Variants in CYP20A1 observed in about 807,000 individuals in gnomAD.
CYP20A1 encodes the protein cytochrome P450 20A1.
A neutral mutation model predicts 61.4 loss-of-function variants in CYP20A1; 61 were observed. The ratio of observed to expected loss-of-function variants is 0.99; its 90% CI spans 0.81 to 1.23. CYP20A1 has a LOEUF of 1.23. CYP20A1 is among the 50% of genes most tolerant of loss of function. CYP20A1 has a pLI of 0.00. For missense variants in CYP20A1, 530 were observed against 542.4 expected (o/e 0.98, Z 0.23); for synonymous variants, 193 against 188.2 (o/e 1.03, Z -0.21).
At chr2:203,275,036 C>A (rs2067758896) in intron 6 of CYP20A1, among the ~76,000 whole-genome samples, 1 of 152,312 alleles carries the variant, frequency 6.6e-6, no homozygotes, top group East Asian at 1.9e-4. Context: ...TGGATCAGAG[C>A]TTCCTTTGTT....
At chr2:203,259,417 A>G (rs534998036) in intron 4 of CYP20A1, among the ~76,000 whole-genome samples, 54 of 152,168 alleles carry the variant, frequency 3.5e-4, no homozygotes, top group African/African-American at 1.3e-3. Context: ...TCCTCACGGT[A>G]GTGAATTCTT....
chr2:203,284,348 C>G (rs978037045), intron 8 of CYP20A1, among the ~76,000 whole-genome samples: 17 of 152,108 alleles, frequency 1.1e-4, no homozygotes, highest in Non-Finnish European at 4.4e-5. Flanking sequence ...CAAACATATT[C>G]TAGGGAAAGA....
At chr2:203,271,046 G>A (rs1296930807) in intron 5 of CYP20A1, among the ~76,000 whole-genome samples, 12 of 24,050 alleles carry the variant, frequency 5.0e-4, no homozygotes, top group South Asian at 4.4e-3. Flanking sequence ...ATATATATAT[G>A]TATATGTGTA....
At chr2:203,294,354 A>T (rs2068680657) in intron 11 of CYP20A1, among the ~76,000 whole-genome samples, 1 of 151,354 alleles carries the variant, frequency 6.6e-6, no homozygotes, top group Non-Finnish European at 1.5e-5. Flanking sequence ...CCTGACCAAC[A>T]TGGAGAAACC....
chr2:203,287,170 G>A lies in CYP20A1; in HGVS notation c.971+1438G>A, dbSNP rs181582007. On this transcript the variant is annotated intron_variant, in intron 9 of 12. Transcript: ENST00000356079. ...GGAAGTCCAGGCTGGAGTGAGCTAC[G>A]ATCACACCACTACACTCCATCCTGG... Among the ~76,000 whole-genome samples, 69 of 117,308 alleles carry A rather than the reference G, an allele frequency of 5.9e-4. No homozygotes were observed. The South Asian group carries it at 6.1e-3, about 10-fold the overall frequency. The allele number at this position is 117,308 out of a possible 152,430, so 77.0% of individuals were successfully genotyped here.
chr2:203,272,579 A>T, intron 5 of CYP20A1, 91 bp from the exon 6 acceptor site: 2 of 503,844 alleles, frequency 4.0e-6, no homozygotes, highest in East Asian at 4.6e-5. Flanking sequence ...AAAGAGTTAA[A>T]GAGTTCCTAA....
chr2:203,261,605 T>TAAAA (rs36092540), intron 4 of CYP20A1, among the ~76,000 whole-genome samples: 1 of 74,356 alleles, frequency 1.3e-5, no homozygotes, highest in Non-Finnish European at 2.4e-5. Context: ...CTTTGTCACC[T>TAAAA]AAAAAAAAAA....
chr2:203,292,733 A>G (rs1288736725), intron 11 of CYP20A1, among the ~76,000 whole-genome samples: 1 of 149,200 alleles, frequency 6.7e-6, no homozygotes, highest in Non-Finnish European at 1.5e-5. Flanking sequence ...TGGTGGGATT[A>G]CAGGCATGAA....
At chr2:203,272,321 T>A (rs1009645341) in intron 5 of CYP20A1, among the ~76,000 whole-genome samples, 1 of 151,914 alleles carries the variant, frequency 6.6e-6, no homozygotes, top group African/African-American at 2.4e-5. Flanking sequence ...GATGAGAAGA[T>A]CACTTGAGCT....
Position 203,301,416 on chromosome 2 carries a change from G to C in CYP20A1, c.*4508G>C, listed in dbSNP as rs1396509698. Among the ~76,000 whole-genome samples, 2 of 151,884 alleles carry C rather than the reference G, an allele frequency of 1.3e-5. No homozygotes were observed. Among genetic ancestry groups the C allele is most frequent in the Non-Finnish European group, 1.5e-5 (1 of 67,984 alleles). ...CTACATATGCATGCCACCATGCCCA[G>C]CTGTTTTTTTGTTTGCTTGTTTTTG... On this transcript the variant is annotated 3_prime_UTR_variant, in exon 13 of 13. Coordinates refer to ENST00000356079, the MANE Select transcript of CYP20A1 (RefSeq NM_177538.3).
Position 203,299,084 on chromosome 2 carries a change from C to G in CYP20A1, c.*2176C>G, listed in dbSNP as rs2068924568. Among the ~76,000 whole-genome samples the G allele has an allele frequency of 6.6e-6, 1 of 152,034 alleles. No individual in the cohort carries two copies. On this transcript the variant is annotated 3_prime_UTR_variant, in exon 13 of 13. Coordinates refer to ENST00000356079, the MANE Select transcript of CYP20A1 (RefSeq NM_177538.3). ...TGTCTTTCAAAATTACACTTTAGCA[C>G]TTATAAATTTTATATATAATACTTT...
intron 1 of CYP20A1, 79 bp downstream of exon 1, chr2:203,239,213 G>A: frequency 8.1e-7 from 1 of 1,237,922 alleles, no homozygotes; most frequent in Non-Finnish European, 1.2e-6. Flanking sequence ...CAACCTGCCC[G>A]CTGCGGGCCG....
intron 5 of CYP20A1, among the ~76,000 whole-genome samples, chr2:203,271,080 A>ATTTTTTTTTTTTTTT (rs1376244749): frequency 2.6e-5 from 1 of 39,126 alleles, no homozygotes; most frequent in Non-Finnish European, 5.0e-5. Flanking sequence ...ATATATATAT[A>ATTTTTTTTTTTTTTT]TATTTTTTTT....
intron 1 of CYP20A1, among the ~76,000 whole-genome samples, chr2:203,243,540 C>T (rs1431852841): frequency 3.9e-5 from 6 of 152,028 alleles, no homozygotes; most frequent in East Asian, 1.9e-4. Context: ...CCCACTACCA[C>T]GCCCTGTTAA....
intron 6 of CYP20A1, among the ~76,000 whole-genome samples, chr2:203,274,119 A>AT (rs1046560288): frequency 1.3e-5 from 2 of 151,586 alleles, no homozygotes; most frequent in Admixed American, 6.6e-5. Context: ...CTCCCTTATT[A>AT]TTTTTTTGTT....
At chr2:203,274,248 C>T (rs1030165827) in intron 6 of CYP20A1, among the ~76,000 whole-genome samples, 9 of 149,410 alleles carry the variant, frequency 6.0e-5, no homozygotes, top group Admixed American at 1.3e-4. Flanking sequence ...TGCAGTGGTG[C>T]GGTCACGGCT....
chr2:203,282,841 A>G (rs939197799), intron 8 of CYP20A1, among the ~76,000 whole-genome samples: 12 of 152,146 alleles, frequency 7.9e-5, no homozygotes, highest in African/African-American at 2.9e-4. Context: ...ATGACCTTCC[A>G]AGTTATCTCT....
chr2:203,265,603 G>A (rs192716306), intron 4 of CYP20A1, among the ~76,000 whole-genome samples: 38 of 152,238 alleles, frequency 2.5e-4, no homozygotes, highest in Middle Eastern at 6.8e-3. Flanking sequence ...TTTATATAAA[G>A]ATAAGGGATT....
At chr2:203,245,569 C>T (rs369818219) in intron 1 of CYP20A1, among the ~76,000 whole-genome samples, 5 of 152,036 alleles carry the variant, frequency 3.3e-5, no homozygotes, top group African/African-American at 1.2e-4. Flanking sequence ...ATTTAGCCCC[C>T]ACTTATAAGT....
Sources: allele counts gnomAD v4.1 joint callset (sites outside exome capture counted in the v4.1 genomes callset), GRCh38; gene constraint gnomAD v4.1.1; transcripts MANE v1.5; gene names NCBI Gene and HGNC (gene_info 2026-07-23, HGNC 2026-07-21).